Variants in VAV3 observed in about 807,000 individuals in gnomAD.
The protein encoded by VAV3 is guanine nucleotide exchange factor VAV3.
VAV3 carries 94 observed loss-of-function variants against 131.2 expected under a neutral mutation model. The observed-to-expected ratio is 0.72, with a 90% CI of 0.61 to 0.85. VAV3 has a LOEUF of 0.85. VAV3 is among the 40% of genes least tolerant of loss of function. The pLI is 0.00. For synonymous variants in VAV3, 349 were observed against 342.0 expected (o/e 1.02, Z -0.22); for missense variants, 939 against 1,002.7 (o/e 0.94, Z 0.86).
At chr1:107,610,732 G>A (rs540315052) in intron 21 of VAV3, among the ~76,000 whole-genome samples, 15 of 152,242 alleles carry the variant, frequency 9.9e-5, no homozygotes, top group African/African-American at 3.6e-4. Context: ...AATGAACAAA[G>A]ACAAAGCAGG....
At chr1:107,658,954 T>G (rs1458555585) in intron 19 of VAV3, among the ~76,000 whole-genome samples, 1 of 152,196 alleles carries the variant, frequency 6.6e-6, no homozygotes, top group African/African-American at 2.4e-5. Flanking sequence ...TTTAGTTTAA[T>G]TAGATCCCAT....
chr1:107,746,195 G>C (rs933148383), intron 15 of VAV3, among the ~76,000 whole-genome samples: 5 of 152,134 alleles, frequency 3.3e-5, no homozygotes, highest in African/African-American at 4.8e-5. Context: ...CATTATCAGG[G>C]CTTTCCTACA....
intron 15 of VAV3, among the ~76,000 whole-genome samples, chr1:107,725,443 C>T (rs1270237888): frequency 5.3e-5 from 8 of 152,102 alleles, no homozygotes; most frequent in African/African-American, 1.2e-4. Context: ...CACTGTGGAA[C>T]GTCTACACAA....
intron 2 of VAV3, among the ~76,000 whole-genome samples, chr1:107,805,606 T>A (rs560226667): frequency 6.6e-6 from 1 of 152,344 alleles, no homozygotes; most frequent in Admixed American, 6.5e-5. Flanking sequence ...AAAATTGCTA[T>A]TTTGAATTCT....
intron 21 of VAV3, among the ~76,000 whole-genome samples, chr1:107,613,371 C>T (rs549736916): frequency 4.6e-5 from 7 of 152,144 alleles, no homozygotes; most frequent in African/African-American, 1.4e-4. Context: ...TATCTCATCA[C>T]TCCATTTTCT....
At chr1:107,732,964 G>A (rs547943037) in intron 15 of VAV3, among the ~76,000 whole-genome samples, 1 of 152,308 alleles carries the variant, frequency 6.6e-6, no homozygotes, top group Non-Finnish European at 1.5e-5. Flanking sequence ...CCTAGTAGGG[G>A]CTGACTGATA....
chr1:107,582,163 T>C (rs1188160337), intron 25 of VAV3, among the ~76,000 whole-genome samples: 1 of 152,168 alleles, frequency 6.6e-6, no homozygotes, highest in Non-Finnish European at 1.5e-5. Context: ...GTGGGATGCT[T>C]TGATGAGCAG....
chr1:107,883,803 G>A (rs1475516552), intron 1 of VAV3, among the ~76,000 whole-genome samples: 1 of 152,128 alleles, frequency 6.6e-6, no homozygotes, highest in Non-Finnish European at 1.5e-5. Context: ...CTTATAAGAG[G>A]AAGCACTGCA....
intron 1 of VAV3, among the ~76,000 whole-genome samples, chr1:107,893,739 G>A (rs1174874375): frequency 1.3e-5 from 2 of 152,128 alleles, no homozygotes; most frequent in Admixed American, 6.5e-5. Context: ...AGATTTGGGT[G>A]GGGACACAGC....
At chr1:107,836,342 A>C (rs527362924) in intron 2 of VAV3, among the ~76,000 whole-genome samples, 1 of 152,344 alleles carries the variant, frequency 6.6e-6, no homozygotes, top group Admixed American at 6.5e-5. Context: ...GTAAACAACA[A>C]AATGAAGGTG....
In VAV3 at chr1:107,623,860, G is replaced by C. The variant is rs1226879111; in HGVS notation, c.1915-6228C>G. On this transcript the variant is annotated intron_variant, in intron 20 of 26. Coordinates refer to ENST00000370056, the MANE Select transcript of VAV3 (RefSeq NM_006113.5). ...GGTTGTTCAAAAGACAGTACAAAAT[G>C]TCCCTATCTCTGGCATAGTTCTCTT... 1.3e-5 allele frequency among the ~76,000 whole-genome samples: 2 copies of C among 152,154 alleles called. 1 individual carries two copies. Among genetic ancestry groups the C allele is most frequent in the Non-Finnish European group, 2.9e-5 (2 of 68,016 alleles).
At chr1:107,624,390 G>GTA (rs1653846575) in intron 20 of VAV3, among the ~76,000 whole-genome samples, 1 of 151,198 alleles carries the variant, frequency 6.6e-6, no homozygotes, top group Non-Finnish European at 1.5e-5. Context: ...GTGTGTGTGT[G>GTA]TGTGTGTGTG....
chr1:107,797,838 T>C (rs1666619219), intron 2 of VAV3, among the ~76,000 whole-genome samples: 1 of 152,194 alleles, frequency 6.6e-6, no homozygotes. Context: ...CAATACCACC[T>C]GGAGGATTTG....
chr1:107,880,668 C>A (rs984882812), intron 1 of VAV3, among the ~76,000 whole-genome samples: 1 of 151,968 alleles, frequency 6.6e-6, no homozygotes, highest in South Asian at 2.1e-4. Context: ...TGGTGGCACA[C>A]ACCTATGGTC....
At chr1:107,710,172 T>C (rs1660702841) in intron 15 of VAV3, among the ~76,000 whole-genome samples, 1 of 152,196 alleles carries the variant, frequency 6.6e-6, no homozygotes, top group South Asian at 2.1e-4. Flanking sequence ...TCTGTAATGA[T>C]CATGACCAAT....
At chr1:107,768,649 T>G in intron 6 of VAV3, 140 bp from the exon 7 acceptor site, 1 of 564,898 alleles carries the variant, frequency 1.8e-6, no homozygotes, top group Non-Finnish European at 3.0e-6. Context: ...GTAGAAACTA[T>G]TTTCTCTAAC....
intron 2 of VAV3, among the ~76,000 whole-genome samples, chr1:107,780,903 C>T (rs929424130): frequency 2.6e-5 from 4 of 152,114 alleles, no homozygotes; most frequent in African/African-American, 7.2e-5. Context: ...CTACATGAGG[C>T]TTATTCAGAA....
chr1:107,746,408 C>T (rs1027779904), intron 15 of VAV3, among the ~76,000 whole-genome samples: 3 of 152,162 alleles, frequency 2.0e-5, no homozygotes, highest in African/African-American at 7.2e-5. Flanking sequence ...ACTACTTCTA[C>T]TGGTGTGTTA....
rs1321442668 is a variant in VAV3, at chr1:107,721,581, T to C, written c.1503-16520A>G. On this transcript the variant is annotated intron_variant, in intron 15 of 26. Coordinates refer to ENST00000370056, the MANE Select transcript of VAV3 (RefSeq NM_006113.5). ...CAGACACTTCGGAAGGAAAGAAACA[T>C]GATGAGAGCTGTGCTTTCAACCCAA... Among the ~76,000 whole-genome samples the C allele has an allele frequency of 2.0e-5, 3 of 152,000 alleles. No homozygotes were observed. In the East Asian group the frequency reaches 5.8e-4, roughly 29 times the overall value.
Sources: gnomAD v4.1 joint callset for allele counts (sites outside exome capture counted in the v4.1 genomes callset) on GRCh38, gnomAD v4.1.1 for gene constraint, MANE v1.5 for transcripts, NCBI Gene and HGNC (gene_info 2026-07-23, HGNC 2026-07-21) for gene names.